NDUFA10: variants seen among roughly 807,000 people sequenced by gnomAD.
The protein encoded by NDUFA10 is NADH dehydrogenase [ubiquinone] 1 alpha subcomplex subunit 10, mitochondrial.
In NDUFA10, 40 loss-of-function variants were observed where a neutral mutation model predicts 47.8. That is an observed-to-expected ratio of 0.84 (90% CI 0.65 to 1.09). The LOEUF (loss-of-function observed/expected upper bound fraction) is 1.09, where lower values mean the gene tolerates loss of function less well. NDUFA10 is among the 50% of genes least tolerant of loss of function. The pLI is 0.00. For missense variants in NDUFA10, 413 were observed against 451.1 expected (o/e 0.92, Z 0.76); for synonymous variants, 183 against 172.2 (o/e 1.06, Z -0.49).
chr2:240,010,241 C>G (rs1208271837), intron 6 of NDUFA10, among the ~76,000 whole-genome samples: 1 of 152,184 alleles, frequency 6.6e-6, no homozygotes, highest in East Asian at 1.9e-4. Flanking sequence ...TAACAATGAA[C>G]AGAGACTGTA....
chr2:239,934,387 C>T (rs777438377), intron 4 of NDUFA10, among the ~76,000 whole-genome samples: 29 of 149,480 alleles, frequency 1.9e-4, no homozygotes, highest in Middle Eastern at 3.4e-3. Context: ...CCCAGCCTGA[C>T]GAACCACGAA....
chr2:239,926,644 C>T (rs1401224128), intron 4 of NDUFA10, among the ~76,000 whole-genome samples: 2 of 152,138 alleles, frequency 1.3e-5, no homozygotes, highest in Non-Finnish European at 2.9e-5. Context: ...GTAAAACAGC[C>T]TCAGATAAGT....
intron 4 of NDUFA10, among the ~76,000 whole-genome samples, chr2:239,933,177 T>A (rs888581509): frequency 3.9e-5 from 6 of 152,138 alleles, no homozygotes; most frequent in African/African-American, 7.2e-5. Flanking sequence ...GCAGTTTGGA[T>A]GCTGGGAGCC....
intron 4 of NDUFA10, among the ~76,000 whole-genome samples, 165 bp from the exon 5 acceptor site, chr2:240,015,025 T>C (rs369730610): frequency 1.3e-5 from 2 of 152,230 alleles, no homozygotes; most frequent in African/African-American, 4.8e-5. Flanking sequence ...ACCACACACA[T>C]GGCATGTGAC....
intron 9 of NDUFA10, chr2:239,976,517 C>T (rs1041984790): frequency 2.0e-5 from 3 of 152,472 alleles, no homozygotes; most frequent in East Asian, 1.9e-4. Flanking sequence ...CACATCCCTA[C>T]CCTCTCACGG....
chr2:239,903,979 GCA>G (rs1409452966), intron 4 of NDUFA10, among the ~76,000 whole-genome samples: 2 of 152,214 alleles, frequency 1.3e-5, no homozygotes, highest in African/African-American at 4.8e-5. Flanking sequence ...CAGTGGGGCA[GCA>G]CAGAGTCCAG....
At chr2:239,949,315 G>A (rs1194149838) in intron 4 of NDUFA10, among the ~76,000 whole-genome samples, 1 of 152,156 alleles carries the variant, frequency 6.6e-6, no homozygotes, top group African/African-American at 2.4e-5. Flanking sequence ...CAACCCGACT[G>A]GACTACAGCT....
chr2:240,021,470 G>C, intron 2 of NDUFA10, 58 bp from the exon 3 acceptor site: 4 of 1,504,618 alleles, frequency 2.7e-6, no homozygotes, highest in Non-Finnish European at 3.7e-6. Flanking sequence ...CCCGCAGGGA[G>C]CAGTGGGGAC....
chr2:239,894,496 T>A (rs1437774770), intron 5 of NDUFA10, among the ~76,000 whole-genome samples: 5 of 152,170 alleles, frequency 3.3e-5, no homozygotes, highest in African/African-American at 9.7e-5. Flanking sequence ...GATCTCCCTC[T>A]CATCAGTCCC....
chr2:239,913,064 G>A (rs1262671946), intron 4 of NDUFA10, among the ~76,000 whole-genome samples: 1 of 145,078 alleles, frequency 6.9e-6, no homozygotes, highest in Non-Finnish European at 1.5e-5. Context: ...TCTGCCACTC[G>A]GGGCCACTGC....
intron 9 of NDUFA10, among the ~76,000 whole-genome samples, chr2:239,962,468 C>T (rs571112566): frequency 2.0e-5 from 3 of 152,268 alleles, no homozygotes; most frequent in South Asian, 2.1e-4. Context: ...CGCCCCAAGA[C>T]CAGCCATCTC....
intron 3 of NDUFA10, among the ~76,000 whole-genome samples, chr2:240,020,713 C>T (rs1697585164): frequency 6.6e-6 from 1 of 152,134 alleles, no homozygotes; most frequent in African/African-American, 2.4e-5. Context: ...TGTGTTCTGC[C>T]TCCCCCCGTC....
At chr2:240,025,206 G>A (rs760389291) in intron 1 of NDUFA10, 21 bp downstream of exon 1, 3 of 1,162,390 alleles carry the variant, frequency 2.6e-6, no homozygotes, top group Admixed American at 3.0e-5. Flanking sequence ...CCGCCACCCT[G>A]CCACCCCGCC....
intron 6 of NDUFA10, among the ~76,000 whole-genome samples, chr2:240,009,760 TTTCTC>T (rs1697071920): frequency 6.6e-6 from 1 of 152,226 alleles, no homozygotes; most frequent in Non-Finnish European, 1.5e-5. Flanking sequence ...ACTAAAAACA[TTTCTC>T]TTATTTAGTT....
At chr2:239,973,697 TC>T (rs1359092173) in intron 9 of NDUFA10, 2 of 447,168 alleles carry the variant, frequency 4.5e-6, no homozygotes, top group Non-Finnish European at 9.2e-6. Context: ...GTTTGTCTAA[TC>T]CAAAGAAGGG....
chr2:239,902,947 T>C (rs1466687804), intron 4 of NDUFA10, among the ~76,000 whole-genome samples: 1 of 152,152 alleles, frequency 6.6e-6, no homozygotes, highest in Non-Finnish European at 1.5e-5. Flanking sequence ...GCCCAGCCAA[T>C]ATTTGGGCTG....
At chr2:239,939,801 C>G (rs74634945) in intron 4 of NDUFA10, among the ~76,000 whole-genome samples, 1,754 of 152,334 alleles carry the variant, frequency 0.012, 40 homozygotes, top group African/African-American at 0.039. Flanking sequence ...TATGCCTGGC[C>G]CTGGGGACGG....
At chr2:240,017,836 T>C in intron 4 of NDUFA10, 1 of 1,565,316 alleles carries the variant, frequency 6.4e-7, no homozygotes, top group Non-Finnish European at 8.7e-7. Context: ...CGGCCTCCTC[T>C]TTCATTAATC....
intron 4 of NDUFA10, among the ~76,000 whole-genome samples, chr2:239,915,808 A>T (rs1438532374): frequency 2.6e-5 from 4 of 151,752 alleles, no homozygotes; most frequent in African/African-American, 9.7e-5. Flanking sequence ...ACAGACAGAG[A>T]GACACACAGA....
Sources: gnomAD v4.1 joint callset for allele counts (sites outside exome capture counted in the v4.1 genomes callset) on GRCh38, gnomAD v4.1.1 for gene constraint, MANE v1.5 for transcripts, NCBI Gene and HGNC (gene_info 2026-07-23, HGNC 2026-07-21) for gene names.